The following PTPRN2 variants were observed in gnomAD, a reference collection of about 807,000 sequenced individuals.
The protein encoded by PTPRN2 is receptor-type tyrosine-protein phosphatase N2.
A neutral mutation model predicts 118.8 loss-of-function variants in PTPRN2; 74 were observed. The observed-to-expected ratio is 0.62, with a 90% confidence interval of 0.52 to 0.76. The LOEUF (loss-of-function observed/expected upper bound fraction) is 0.76. PTPRN2 is among the 30% of genes least tolerant of loss of function. The pLI is 0.00. For missense variants in PTPRN2, 1,481 were observed against 1,394.4 expected (o/e 1.06, Z -0.99); for synonymous variants, 641 against 608.0 (o/e 1.05, Z -0.80).
Position 157,970,800 on chromosome 7 carries a change from C to T in PTPRN2, c.1724-72063G>A, listed in dbSNP as rs572753160. 5.3e-5 allele frequency among the ~76,000 whole-genome samples: 8 copies of T among 152,274 alleles called. No individual in the cohort carries two copies. In the South Asian group the frequency reaches 1.2e-3, roughly 24 times the overall value. ...GCATGCCCTCTCTGGGGCTCATTCT[C>T]GTGTTTCCTACCCTAATTCTAAGCT... On this transcript the variant is annotated intron_variant, in intron 11 of 22. Transcript: ENST00000389418.
At chr7:158,173,442 G>A (rs1050999164) in intron 5 of PTPRN2, among the ~76,000 whole-genome samples, 7 of 152,194 alleles carry the variant, frequency 4.6e-5, no homozygotes, top group Non-Finnish European at 8.8e-5. Context: ...CAAAAGGGGA[G>A]GGGTGTACAA....
At chr7:158,406,051 C>T (rs112259569) in intron 2 of PTPRN2, among the ~76,000 whole-genome samples, 70 of 96,798 alleles carry the variant, frequency 7.2e-4, no homozygotes, top group South Asian at 2.4e-3. Context: ...CCGTGAGACA[C>T]GTGGCCGCAC....
At chr7:158,523,641 C>T (rs1484215439) in intron 1 of PTPRN2, among the ~76,000 whole-genome samples, 60 of 64,870 alleles carry the variant, frequency 9.2e-4, no homozygotes, top group East Asian at 1.6e-3. Flanking sequence ...TGCCCTGGAG[C>T]GGAGTCTGCC....
intron 15 of PTPRN2, chr7:157,614,152 A>C (rs1417880612): frequency 2.6e-6 from 1 of 378,532 alleles, no homozygotes; most frequent in South Asian, 1.9e-5. Flanking sequence ...CAGGGGAGGA[A>C]GGGGGAGGAC....
chr7:157,624,469 A>G (rs1435433200), intron 14 of PTPRN2, among the ~76,000 whole-genome samples: 1 of 152,090 alleles, frequency 6.6e-6, no homozygotes, highest in Non-Finnish European at 1.5e-5. Context: ...TGAGTGTCAC[A>G]GCTGAGCCTA....
At chr7:158,319,538 GCCTCCCT>G (rs1802696106) in intron 2 of PTPRN2, among the ~76,000 whole-genome samples, 1 of 42,246 alleles carries the variant, frequency 2.4e-5, no homozygotes, top group Admixed American at 2.7e-4. Flanking sequence ...CACACACACA[GCCTCCCT>G]CACACACACA....
At chr7:158,359,458 C>A (rs1586447956) in intron 2 of PTPRN2, among the ~76,000 whole-genome samples, 1 of 152,110 alleles carries the variant, frequency 6.6e-6, no homozygotes, top group African/African-American at 2.4e-5. Flanking sequence ...CCGGGGGGAC[C>A]CAGCTGGAGC....
chr7:158,188,893 G>A (rs1043312428), intron 5 of PTPRN2, among the ~76,000 whole-genome samples: 1 of 152,148 alleles, frequency 6.6e-6, no homozygotes. Context: ...TTAGTGTGAC[G>A]AGGCCACGGG....
chr7:157,902,355 G>A (rs1487765980), intron 11 of PTPRN2, among the ~76,000 whole-genome samples: 4 of 152,158 alleles, frequency 2.6e-5, no homozygotes, highest in Non-Finnish European at 5.9e-5. Context: ...GCCCCGCGGT[G>A]GCCTGGAGAG....
intron 14 of PTPRN2, among the ~76,000 whole-genome samples, chr7:157,646,534 T>A (rs1358744499): frequency 1.3e-5 from 2 of 152,124 alleles, no homozygotes; most frequent in Non-Finnish European, 2.9e-5. Flanking sequence ...GGTATTTCTG[T>A]ATAGCAGTGT....
At chr7:158,113,385 C>T (rs114228748) in intron 9 of PTPRN2, among the ~76,000 whole-genome samples, 296 of 152,236 alleles carry the variant, frequency 1.9e-3, no homozygotes, top group African/African-American at 5.9e-3. Context: ...AGCTGGAAGA[C>T]GTCTAGGATG....
At chr7:157,648,507 C>T (rs1805303832) in intron 14 of PTPRN2, among the ~76,000 whole-genome samples, 1 of 136,058 alleles carries the variant, frequency 7.3e-6, no homozygotes, top group Non-Finnish European at 1.6e-5. Context: ...CGGACCCATC[C>T]AGCGTGCACT....
At chr7:158,023,258 G>A (rs1293422640) in intron 11 of PTPRN2, among the ~76,000 whole-genome samples, 4 of 151,914 alleles carry the variant, frequency 2.6e-5, no homozygotes, top group Non-Finnish European at 5.9e-5. Flanking sequence ...CCACGTAAGC[G>A]CTCCCAGGCC....
intron 2 of PTPRN2, among the ~76,000 whole-genome samples, chr7:158,428,461 G>T (rs189300084): frequency 3.9e-5 from 6 of 152,182 alleles, no homozygotes; most frequent in South Asian, 2.1e-4. Context: ...GTAACCCACC[G>T]ATCTGAGGAA....
chr7:158,330,561 C>A (rs796549016), intron 2 of PTPRN2, among the ~76,000 whole-genome samples: 3 of 40,726 alleles, frequency 7.4e-5, no homozygotes, highest in Admixed American at 2.4e-4. Context: ...TCACTCACAC[C>A]CACACTCTCA....
chr7:157,753,552 A>G (rs1801607222), intron 12 of PTPRN2, among the ~76,000 whole-genome samples: 1 of 152,164 alleles, frequency 6.6e-6, no homozygotes, highest in South Asian at 2.1e-4. Context: ...ACAGCATGGC[A>G]GTGACCCTTC....
intron 11 of PTPRN2, among the ~76,000 whole-genome samples, chr7:157,951,998 G>A (rs752537710): frequency 7.9e-5 from 12 of 152,286 alleles, no homozygotes; most frequent in Middle Eastern, 3.4e-3. Flanking sequence ...TCCAGCCTGC[G>A]CCCCGCACTG....
chr7:158,019,850 C>T (rs117491364), intron 11 of PTPRN2, among the ~76,000 whole-genome samples: 5,499 of 152,302 alleles, frequency 0.036, 139 homozygotes, highest in Non-Finnish European at 0.054. Context: ...TGGCTGGGGC[C>T]GCACAGACAC....
chr7:157,852,989 G>C lies in PTPRN2; in HGVS notation c.1788+45684C>G. Among the ~76,000 whole-genome samples, 2 of 152,124 alleles carry C rather than the reference G, an allele frequency of 1.3e-5. 1 individual carries two copies. The highest frequency in any genetic ancestry group is 3.8e-4 in the East Asian group (2 of 5,196). On this transcript the variant is annotated intron_variant, in intron 12 of 22. Transcript: ENST00000389418. ...CTGCCCACTGTTTTGGAAAAGTGTT[G>C]ATTTTGGAATGTGGTTTCCCATCAC... is the stretch of plus-strand genomic sequence containing the variant.
Sources: gnomAD v4.1 joint callset for allele counts (sites outside exome capture counted in the v4.1 genomes callset) on GRCh38, gnomAD v4.1.1 for gene constraint, MANE v1.5 for transcripts, NCBI Gene and HGNC (gene_info 2026-07-23, HGNC 2026-07-21) for gene names.